The following WDR59 variants were observed in gnomAD, a reference collection of about 807,000 sequenced individuals.
WDR59 encodes the protein GATOR2 complex protein WDR59.
Under a neutral mutation model 131.2 loss-of-function variants are expected in WDR59, and 100 were observed. That is an observed-to-expected ratio of 0.76 (90% CI 0.65 to 0.90). The LOEUF (loss-of-function observed/expected upper bound fraction) is 0.90, where lower values mean the gene tolerates loss of function less well. WDR59 is among the 40% of genes least tolerant of loss of function. The probability of loss-of-function intolerance (pLI) is 0.00; values close to 1 mark genes in which losing one functional copy is unlikely to be tolerated. For missense variants in WDR59, 1,203 were observed against 1,262.2 expected, an observed-to-expected ratio of 0.95 and a Z score of 0.71; for synonymous variants, 601 against 466.2, an observed-to-expected ratio of 1.29 and a Z score of -3.72.
intron 1 of WDR59, among the ~76,000 whole-genome samples, chr16:74,967,744 A>G (rs1350234692): frequency 3.3e-5 from 5 of 151,898 alleles, no homozygotes; most frequent in Non-Finnish European, 7.4e-5. Flanking sequence ...CTGTAATCCC[A>G]GCTACTCAGG....
At position 74,912,446 on chromosome 16, in the gene WDR59, G is replaced by T. The variant is rs2144943061; in HGVS notation, c.1225-84C>A. 2.2e-6 allele frequency: 3 copies of T among 1,392,406 alleles called. No individual in the cohort carries two copies. The East Asian group carries it at 7.1e-5, about 33-fold the overall frequency. 86.3% of individuals were successfully genotyped at this position (1,392,406 alleles called of 1,614,324 possible). On this transcript the variant is annotated intron_variant, in intron 13 of 25. Coordinates refer to ENST00000262144, the MANE Select transcript of WDR59 (RefSeq NM_030581.4). ...AAGCACATTTAACTGAACGCTCCATGTTCCTGGTAATTGAATGAAGGGAAA... is the reference window on the plus strand; with the variant it reads ...AAGCACATTTAACTGAACGCTCCATTTTCCTGGTAATTGAATGAAGGGAAA...
chr16:74,888,217 C>G lies in WDR59; in HGVS notation c.2298G>C (p.Gly766=), dbSNP rs530156818. The G allele has an allele frequency of 6.2e-7, 1 of 1,614,000 alleles. No individual in the cohort carries two copies. Among genetic ancestry groups the G allele is most frequent in the South Asian group, 1.1e-5 (1 of 91,080 alleles). The change falls in exon 22 of 26, where the codon GGG becomes GGC. Residue 766 remains glycine, a synonymous_variant. Coordinates refer to ENST00000262144, the MANE Select transcript of WDR59 (RefSeq NM_030581.4). ...SRPQGLPNPF[G]PFPNRSSNLV... is the part of the protein sequence containing the mutation. ...GATTAGAAGAACGGTTAGGAAAAGG[C>G]CCAAAGGGGTTTGGTAGCCCCTGAG...
intron 14 of WDR59, among the ~76,000 whole-genome samples, chr16:74,911,317 G>C (rs1006319204): frequency 5.9e-5 from 9 of 152,138 alleles, no homozygotes; most frequent in African/African-American, 2.2e-4. Flanking sequence ...CTGAGTTACT[G>C]GCATTTCAGA....
In WDR59 at chr16:74,892,555, T is replaced by C. The variant is rs1385522384; in HGVS notation, c.2011A>G (p.Asn671Asp). 3.1e-6 allele frequency: 5 copies of C among 1,613,182 alleles called. No homozygotes were observed. The highest frequency in any genetic ancestry group is 4.2e-6 in the Non-Finnish European group (5 of 1,179,698). ...SLGELYILNV[N>D]DIQETCQKNA... ...TTCTGACATGTTTCCTGAATATCAT[T>C]CACATTCAATCTGAAATTTTTTAAA... The change falls in exon 20 of 26, where the codon AAT becomes GAT. Residue 671 changes from asparagine to aspartate, a missense_variant. Transcript: ENST00000262144.
intron 12 of WDR59, 64 bp from the exon 13 acceptor site, chr16:74,916,058 G>A: frequency 1.2e-6 from 2 of 1,613,934 alleles, no homozygotes; most frequent in Admixed American, 1.7e-5. Flanking sequence ...GAACAGGTCT[G>A]GGGTATCTGC....
chr16:74,977,826 T>C (rs575468311), intron 1 of WDR59, among the ~76,000 whole-genome samples: 1 of 152,340 alleles, frequency 6.6e-6, no homozygotes, highest in African/African-American at 2.4e-5. Context: ...AATTGCAGTC[T>C]ATATACTGGA....
chr16:74,944,693 A>C (rs1459812514), intron 6 of WDR59, among the ~76,000 whole-genome samples: 1 of 152,086 alleles, frequency 6.6e-6, no homozygotes, highest in Non-Finnish European at 1.5e-5. Flanking sequence ...AAGGTCCACA[A>C]GCCTCTCACT....
In WDR59 at chr16:74,893,744, C is replaced by T. The variant is rs374878927; in HGVS notation, c.1935G>A (p.Gly645=). 1.7e-5 allele frequency: 27 copies of T among 1,614,190 alleles called. No homozygotes were observed. In the African/African-American group the frequency reaches 1.7e-4, roughly 10 times the overall value. The stretch of plus-strand genomic sequence containing the variant: ...AAGCAATATCCTGGATGATGACTTT[C>T]CCAGCAGCCTTGATCTGTCGATTGC... ...DSGNRQIKAA[G]KVIIQDIACL... Residue 645 remains glycine (G), a synonymous_variant, in exon 19 of 26, where the codon GGG becomes GGA. Coordinates refer to ENST00000262144, the MANE Select transcript of WDR59 (RefSeq NM_030581.4).
At chr16:74,982,057 A>T (rs2034450363) in intron 1 of WDR59, among the ~76,000 whole-genome samples, 1 of 146,566 alleles carries the variant, frequency 6.8e-6, no homozygotes, top group Admixed American at 6.7e-5. Context: ...GGAGTTCAAG[A>T]CCACCTGGGC....
At chr16:74,973,259 A>G (rs1345071937) in intron 1 of WDR59, among the ~76,000 whole-genome samples, 1 of 149,814 alleles carries the variant, frequency 6.7e-6, no homozygotes, top group Non-Finnish European at 1.5e-5. Context: ...ATAAAATTAT[A>G]CATGAACACT....
chr16:74,924,845 T>C (rs1015262294), intron 8 of WDR59, among the ~76,000 whole-genome samples: 9 of 152,154 alleles, frequency 5.9e-5, no homozygotes, highest in Admixed American at 6.6e-5. Context: ...GGTCTCGAAC[T>C]CCTGAGCTCA....
chr16:74,958,879 A>G (rs2145171484), intron 2 of WDR59, among the ~76,000 whole-genome samples: 1 of 152,040 alleles, frequency 6.6e-6, no homozygotes, highest in East Asian at 2.0e-4. Flanking sequence ...CCCGACCAAC[A>G]TGGAGAAACC....
intron 25 of WDR59, among the ~76,000 whole-genome samples, chr16:74,884,200 G>A (rs1883979598): frequency 1.3e-5 from 2 of 152,154 alleles, no homozygotes; most frequent in Admixed American, 6.5e-5. Context: ...CCGCTACAAC[G>A]TCTCTGAACG....
intron 1 of WDR59, chr16:74,979,146 C>T (rs1222847917): frequency 6.6e-6 from 1 of 152,064 alleles, no homozygotes; most frequent in Non-Finnish European, 1.5e-5. Flanking sequence ...ACATCTGTCG[C>T]ACTAGCCCCA....
intron 1 of WDR59, among the ~76,000 whole-genome samples, chr16:74,976,142 G>C (rs533664560): frequency 1.3e-5 from 2 of 152,126 alleles, no homozygotes; most frequent in African/African-American, 2.4e-5. Context: ...AGTAGGAACC[G>C]AAGCTGGATT....
At chr16:74,924,028 T>C in intron 8 of WDR59, 25 bp from the exon 9 acceptor site, 1 of 1,608,798 alleles carries the variant, frequency 6.2e-7, no homozygotes, top group South Asian at 1.1e-5. Flanking sequence ...GCAAGATCAT[T>C]TGTGAAATAA....
intron 17 of WDR59, among the ~76,000 whole-genome samples, chr16:74,906,246 G>A (rs1034667056): frequency 5.2e-5 from 7 of 135,516 alleles, no homozygotes; most frequent in East Asian, 2.3e-4. Flanking sequence ...CCCGGGAGGC[G>A]GAGCTTGCAG....
At chr16:74,961,914 T>C (rs1381318528) in intron 2 of WDR59, among the ~76,000 whole-genome samples, 1 of 152,216 alleles carries the variant, frequency 6.6e-6, no homozygotes, top group African/African-American at 2.4e-5. Context: ...AGGGTTTTTA[T>C]AGTTTTGGAT....
intron 8 of WDR59, among the ~76,000 whole-genome samples, chr16:74,930,208 A>G (rs111272083): frequency 3.9e-4 from 60 of 152,344 alleles, no homozygotes; most frequent in African/African-American, 1.3e-3. Flanking sequence ...TAGAATGTTT[A>G]TAACAGAAAA....
Sources: allele counts gnomAD v4.1 joint callset (sites outside exome capture counted in the v4.1 genomes callset), GRCh38; gene constraint gnomAD v4.1.1; transcripts MANE v1.5; gene names NCBI Gene and HGNC (gene_info 2026-07-23, HGNC 2026-07-21).